The following RBFOX1 variants were observed in gnomAD, a reference collection of about 807,000 sequenced individuals.
RBFOX1 encodes the protein RNA binding protein fox-1 homolog 1.
A neutral mutation model predicts 57.7 loss-of-function variants in RBFOX1; 8 were observed. The ratio of observed to expected loss-of-function variants is 0.14; its 90% confidence interval spans 0.08 to 0.25. The LOEUF (loss-of-function observed/expected upper bound fraction) is 0.25, where lower values mean the gene tolerates loss of function less well. Ranked by LOEUF, RBFOX1 falls within the 10% of genes least tolerant of loss-of-function variation. The pLI, the probability that RBFOX1 is intolerant of heterozygous loss-of-function variation, is 1.00. For synonymous variants in RBFOX1, 326 were observed against 222.4 expected, an observed-to-expected ratio of 1.47 and a Z score of -4.15; for missense variants, 611 against 548.5, an observed-to-expected ratio of 1.11 and a Z score of -1.14.
chr16:6,216,862 C>G (rs919229130), intron 1 of RBFOX1, among the ~76,000 whole-genome samples: 3 of 151,918 alleles, frequency 2.0e-5, no homozygotes, highest in Admixed American at 6.6e-5. Context: ...AAAACTTTCC[C>G]TATTTCACTT....
intron 3 of RBFOX1, among the ~76,000 whole-genome samples, chr16:6,826,013 GCC>G (rs1385872450): frequency 6.6e-6 from 1 of 152,048 alleles, no homozygotes; most frequent in Non-Finnish European, 1.5e-5. Flanking sequence ...TTTTGGGTAG[GCC>G]GACCACATCG....
intron 3 of RBFOX1, among the ~76,000 whole-genome samples, chr16:7,002,728 C>T (rs140006670): frequency 6.7e-4 from 102 of 152,082 alleles, no homozygotes; most frequent in African/African-American, 2.2e-3. Context: ...AAGAAACAAA[C>T]AAAAAACTAT....
At chr16:6,945,857 C>T (rs113772807) in intron 3 of RBFOX1, among the ~76,000 whole-genome samples, 2 of 152,222 alleles carry the variant, frequency 1.3e-5, no homozygotes, top group African/African-American at 4.8e-5. Context: ...AATCACTGCA[C>T]TCCCCACTGG....
At chr16:6,318,848 G>A in intron 2 of RBFOX1, among the ~76,000 whole-genome samples, 1 of 151,794 alleles carries the variant, frequency 6.6e-6, no homozygotes, top group Admixed American at 6.6e-5. Flanking sequence ...GCAATGGCAA[G>A]ATGCCTTATT....
At position 6,210,357 on chromosome 16, in the gene RBFOX1, AC is replaced by A. The variant is rs1567684346; in HGVS notation, c.-126-106637del. On this transcript the variant is annotated intron_variant, in intron 1 of 15. Transcript: ENST00000550418. ...AAAAACAAAAAAACAAAAAAAAAAAACACCAAAAAAAAAAAAAAAAAGAGAA... is the reference window on the plus strand; with the variant it reads ...AAAAACAAAAAAACAAAAAAAAAAAAACCAAAAAAAAAAAAAAAAAGAGAA... Among the ~76,000 whole-genome samples the A allele has an allele frequency of 1.2e-3, 52 of 42,484 alleles. 3 individuals are homozygous for A. Among genetic ancestry groups the A allele is most frequent in the Non-Finnish European group, 2.3e-3 (39 of 16,776 alleles). 27.9% of individuals were successfully genotyped at this position (42,484 alleles called of 152,430 possible).
At chr16:7,052,296 A>G (rs116874152) in intron 4 of RBFOX1, among the ~76,000 whole-genome samples, 198 bp downstream of exon 4, 2,075 of 152,312 alleles carry the variant, frequency 0.014, 74 homozygotes, top group East Asian at 0.082. Flanking sequence ...AAGTGCCGTT[A>G]TAGTAGATAT....
intron 2 of RBFOX1, among the ~76,000 whole-genome samples, chr16:5,489,272 G>A (rs953497040): frequency 6.6e-6 from 1 of 152,212 alleles, no homozygotes; most frequent in Admixed American, 6.5e-5. Flanking sequence ...TACACATGAA[G>A]GGCACATGAT....
At chr16:5,945,226 T>C (rs1237376971) in intron 4 of RBFOX1, among the ~76,000 whole-genome samples, 2 of 152,138 alleles carry the variant, frequency 1.3e-5, no homozygotes, top group Non-Finnish European at 2.9e-5. Context: ...ATAAAAAAGC[T>C]GCCTGGCCCT....
intron 3 of RBFOX1, among the ~76,000 whole-genome samples, chr16:5,811,143 A>ATTTTTTT (rs374827330): frequency 2.4e-4 from 25 of 104,556 alleles, no homozygotes; most frequent in Non-Finnish European, 3.2e-4. Context: ...TATGGAACAA[A>ATTTTTTT]TTTTTTTTTT....
At chr16:7,138,813 C>G (rs2072781043) in intron 4 of RBFOX1, among the ~76,000 whole-genome samples, 1 of 152,074 alleles carries the variant, frequency 6.6e-6, no homozygotes, top group Non-Finnish European at 1.5e-5. Flanking sequence ...TGGATAAACT[C>G]AGACTTTTTT....
intron 3 of RBFOX1, among the ~76,000 whole-genome samples, chr16:6,859,835 GAA>G (rs2058691370): frequency 8.1e-6 from 1 of 123,632 alleles, no homozygotes; most frequent in Non-Finnish European, 1.8e-5. Flanking sequence ...TTTCTTTATA[GAA>G]TCACACTTTT....
chr16:7,201,302 G>T (rs567193695), intron 4 of RBFOX1, among the ~76,000 whole-genome samples: 6 of 152,294 alleles, frequency 3.9e-5, no homozygotes, highest in African/African-American at 1.4e-4. Context: ...GGTAGTAGAA[G>T]AGGTGAAGTC....
chr16:5,424,874 TTTTTC>T lies in RBFOX1; in HGVS notation c.220-42338_220-42334del, dbSNP rs1263432590. Among the ~76,000 whole-genome samples the T allele has an allele frequency of 3.6e-4, 35 of 96,762 alleles. 1 individual carries two copies. The highest frequency in any genetic ancestry group is 1.3e-3 in the African/African-American group (32 of 25,584). 63.5% of individuals were successfully genotyped at this position (96,762 alleles called of 152,430 possible). On this transcript the variant is annotated intron_variant, in intron 1 of 2. Coordinates refer to the RBFOX1 transcript ENST00000585867. ...CTCTCTCTCTCTTCTTTCTTTCTTT[TTTTTC>T]TTTCTTTCTTTCTTTCTTTCTTTCT...
intron 3 of RBFOX1, among the ~76,000 whole-genome samples, chr16:6,657,016 C>T (rs12935783): frequency 1.0e-5 from 1 of 98,502 alleles, no homozygotes; most frequent in Non-Finnish European, 1.9e-5. Context: ...TCCTCTCCTC[C>T]CCTTTCCTCT....
chr16:7,159,145 T>C (rs1439294794), intron 4 of RBFOX1, among the ~76,000 whole-genome samples: 1 of 152,194 alleles, frequency 6.6e-6, no homozygotes, highest in Non-Finnish European at 1.5e-5. Context: ...GGCTTCTTTT[T>C]CTCTGCATAC....
intron 2 of RBFOX1, among the ~76,000 whole-genome samples, chr16:6,369,060 T>C (rs762808929): frequency 6.6e-6 from 1 of 152,202 alleles, no homozygotes; most frequent in African/African-American, 2.4e-5. Context: ...CAAATTAGTA[T>C]ATTTCTTAGG....
At chr16:7,592,449 C>T (rs1002654891) in intron 7 of RBFOX1, among the ~76,000 whole-genome samples, 8 of 152,124 alleles carry the variant, frequency 5.3e-5, no homozygotes, top group African/African-American at 1.9e-4. Context: ...TAATGTTGGA[C>T]AGGAGGGTGA....
intron 2 of RBFOX1, among the ~76,000 whole-genome samples, chr16:5,509,471 C>T (rs1283766738): frequency 1.3e-5 from 2 of 152,202 alleles, no homozygotes; most frequent in Non-Finnish European, 2.9e-5. Context: ...ATGACAAGCA[C>T]TGTGGCTGGC....
chr16:6,465,391 T>C (rs1387498916), intron 2 of RBFOX1, among the ~76,000 whole-genome samples: 4 of 152,144 alleles, frequency 2.6e-5, no homozygotes, highest in Admixed American at 6.5e-5. Context: ...GTCAAGAAAA[T>C]AACAGATTTG....
Sources: gnomAD v4.1 joint callset for allele counts (sites outside exome capture counted in the v4.1 genomes callset) on GRCh38, gnomAD v4.1.1 for gene constraint, MANE v1.5 for transcripts, NCBI Gene and HGNC (gene_info 2026-07-23, HGNC 2026-07-21) for gene names.